PRIMA1: variants seen among roughly 807,000 people sequenced by gnomAD.
PRIMA1 encodes proline-rich membrane anchor 1.
In PRIMA1, 7 loss-of-function variants were observed where a neutral mutation model predicts 17.5. The observed-to-expected ratio is 0.40, with a 90% CI of 0.23 to 0.75. The LOEUF (loss-of-function observed/expected upper bound fraction) is 0.75. Among genes scored for constraint, PRIMA1 ranks in the 30% least tolerant of loss-of-function variants. PRIMA1 has a pLI of 0.37. For missense variants in PRIMA1, 200 were observed against 201.8 expected (o/e 0.99, Z 0.05); for synonymous variants, 97 against 77.9 (o/e 1.25, Z -1.29).
chr14:93,733,680 A>T (rs1395416941), intron 4 of PRIMA1, among the ~76,000 whole-genome samples: 8 of 152,224 alleles, frequency 5.3e-5, no homozygotes, highest in African/African-American at 1.7e-4. Context: ...AGAAAAAAAA[A>T]AGAGTAGGGT....
chr14:93,763,934 T>C (rs1884810078), intron 3 of PRIMA1, among the ~76,000 whole-genome samples: 1 of 152,102 alleles, frequency 6.6e-6, no homozygotes, highest in South Asian at 2.1e-4. Flanking sequence ...TGCTGTCTCA[T>C]GGCACCTCCA....
intron 4 of PRIMA1, among the ~76,000 whole-genome samples, chr14:93,731,394 T>C (rs892463350): frequency 6.7e-6 from 1 of 150,146 alleles, no homozygotes; most frequent in Non-Finnish European, 1.5e-5. Flanking sequence ...CTCTCAAGAA[T>C]GTGACTTGGG....
Position 93,726,476 on chromosome 14 carries a change from C to A in PRIMA1, c.360-4930G>T, listed in dbSNP as rs1159980731. On this transcript the variant is annotated intron_variant, in intron 4 of 4. Transcript: ENST00000393140. The surrounding 1 kb of genome is among the most constrained non-coding windows in gnomAD (Gnocchi z 4.2). ...CATCCCCCGACTGCCCACCCCGACA[C>A]CCTCCCACACCCATACACACACATG... is the stretch of plus-strand genomic sequence containing the variant. Among the ~76,000 whole-genome samples, 1 of 152,048 alleles carries A rather than the reference C, an allele frequency of 6.6e-6. No individual in the cohort carries two copies. The highest frequency in any genetic ancestry group is 1.5e-5 in the Non-Finnish European group (1 of 67,990).
In PRIMA1 at chr14:93,779,233, G is replaced by GGGGGGGGGGGGGGGGGGGGGGGA; in HGVS notation, c.171_172insTCCCCCCCCCCCCCCCCCCCCCC (p.Pro58SerfsTer45). The GGGGGGGGGGGGGGGGGGGGGGGA allele has an allele frequency of 2.7e-6, 3 of 1,094,116 alleles. No individual in the cohort carries two copies. Among genetic ancestry groups the GGGGGGGGGGGGGGGGGGGGGGGA allele is most frequent in the Non-Finnish European group, 2.6e-6 (2 of 775,666 alleles). The allele number at this position is 1,094,116 out of a possible 1,614,324, so 67.8% of individuals were successfully genotyped here. A position where few individuals can be genotyped will look rare whatever the true frequency, so the allele number is the denominator to read the frequency against. On this transcript the variant is annotated frameshift_variant, in exon 3 of 5. Coordinates refer to ENST00000393140, the MANE Select transcript of PRIMA1 (RefSeq NM_178013.4). LOFTEE classifies it high-confidence loss of function. ...GGTGGGGGCGGCGGGGGCAGCGGGG[G>GGGGGGGGGGGGGGGGGGGGGGGA]AGGGGGCCGGCACTGGCAGACGTGT...
intron 3 of PRIMA1, 52 bp downstream of exon 3, chr14:93,779,124 G>A (rs1048503515): frequency 1.7e-4 from 231 of 1,353,540 alleles, no homozygotes; most frequent in Non-Finnish European, 2.1e-4. Flanking sequence ...GATCTTCGTG[G>A]GCCTAGGAAA....
At chr14:93,747,005 T>C (rs1949703895) in intron 3 of PRIMA1, among the ~76,000 whole-genome samples, 1 of 152,138 alleles carries the variant, frequency 6.6e-6, no homozygotes, top group Non-Finnish European at 1.5e-5. Context: ...AGAAAGCAGC[T>C]GGGGCCGGAC....
chr14:93,725,254 T>G, intron 4 of PRIMA1, among the ~76,000 whole-genome samples: 1 of 150,358 alleles, frequency 6.7e-6, no homozygotes, highest in East Asian at 1.9e-4. Context: ...ACAGGAGCAT[T>G]CGGGAGCCCG....
At chr14:93,777,635 C>A (rs570081339) in intron 3 of PRIMA1, among the ~76,000 whole-genome samples, 2 of 152,336 alleles carry the variant, frequency 1.3e-5, no homozygotes, top group South Asian at 4.1e-4. Context: ...TGTGCCCGAC[C>A]AATCCCATTT....
chr14:93,721,410 G>T lies in PRIMA1; in HGVS notation c.*34C>A. The stretch of plus-strand genomic sequence containing the variant: ...CCATGTCCACCAGTGCCACCAAGGT[G>T]TCCCTCTGGCCAGCGGGTCCAGGGC... On this transcript the variant is annotated 3_prime_UTR_variant, in exon 5 of 5. Transcript: ENST00000393140. 1 of 1,411,808 alleles carries T rather than the reference G, an allele frequency of 7.1e-7. No homozygotes were observed. The highest frequency in any genetic ancestry group is 1.0e-6 in the Non-Finnish European group (1 of 997,988). 87.5% of individuals were successfully genotyped at this position (1,411,808 alleles called of 1,614,324 possible).
intron 3 of PRIMA1, among the ~76,000 whole-genome samples, chr14:93,768,618 A>G (rs1884962199): frequency 6.6e-6 from 1 of 152,200 alleles, no homozygotes; most frequent in South Asian, 2.1e-4. Flanking sequence ...AGAACTTGCC[A>G]TGGCACAACC....
intron 3 of PRIMA1, among the ~76,000 whole-genome samples, chr14:93,740,501 C>T (rs1401267975): frequency 6.6e-6 from 1 of 152,236 alleles, no homozygotes; most frequent in Non-Finnish European, 1.5e-5. Flanking sequence ...AGGTCTACCT[C>T]CTCATTTTCA....
At chr14:93,771,294 A>C (rs1885060433) in intron 3 of PRIMA1, among the ~76,000 whole-genome samples, 1 of 152,184 alleles carries the variant, frequency 6.6e-6, no homozygotes, top group African/African-American at 2.4e-5. Flanking sequence ...TGATTCTAAA[A>C]AACAGAATGC....
At chr14:93,759,961 C>T (rs939041313) in intron 3 of PRIMA1, among the ~76,000 whole-genome samples, 2 of 152,228 alleles carry the variant, frequency 1.3e-5, no homozygotes, top group South Asian at 2.1e-4. Context: ...CTCCAGGGGC[C>T]GAAGGGCAGC....
intron 3 of PRIMA1, among the ~76,000 whole-genome samples, chr14:93,771,284 T>C (rs949652680): frequency 1.3e-5 from 2 of 152,130 alleles, no homozygotes; most frequent in East Asian, 1.9e-4. Context: ...CCTGGTCCCT[T>C]GATTCTAAAA....
intron 3 of PRIMA1, among the ~76,000 whole-genome samples, chr14:93,743,183 C>T (rs901129340): frequency 6.6e-6 from 1 of 152,256 alleles, no homozygotes; most frequent in African/African-American, 2.4e-5. Flanking sequence ...TCTCTTGACC[C>T]TGTGAGTGGC....
rs2076023428 is a variant in PRIMA1, at chr14:93,719,471, A to T, written c.*1973T>A. On this transcript the variant is annotated 3_prime_UTR_variant, in exon 5 of 5. Coordinates refer to ENST00000393140, the MANE Select transcript of PRIMA1 (RefSeq NM_178013.4). The stretch of plus-strand genomic sequence containing the variant: ...CCTCTGATCACTCCTGAGCTTCTGG[A>T]CAGCCCAAGGCATGGGCACTTTCTC... The T allele has an allele frequency of 6.6e-6, 1 of 152,464 alleles. No individual in the cohort carries two copies. The highest frequency in any genetic ancestry group is 1.9e-4 in the East Asian group (1 of 5,178). The allele number at this position is 152,464 out of a possible 1,614,324, so 9.4% of individuals were successfully genotyped here.
At chr14:93,756,083 T>A (rs907989158) in intron 3 of PRIMA1, among the ~76,000 whole-genome samples, 27 of 152,016 alleles carry the variant, frequency 1.8e-4, no homozygotes, top group African/African-American at 4.6e-4. Context: ...AAATCTGGAT[T>A]TTTTTTTAAG....
Position 93,761,102 on chromosome 14 carries a change from T to C in PRIMA1, c.229+18074A>G, listed in dbSNP as rs955924815. ...GGCTCAAGCCTATAATCCCAGAACT[T>C]TGGGAGGCCAAGGCGGGTGGATCAC... On this transcript the variant is annotated intron_variant, in intron 3 of 4. Coordinates refer to ENST00000393140, the MANE Select transcript of PRIMA1 (RefSeq NM_178013.4). Among the ~76,000 whole-genome samples, 3 of 151,840 alleles carry C rather than the reference T, an allele frequency of 2.0e-5. No homozygotes were observed. In the South Asian group the frequency reaches 6.3e-4, roughly 32 times the overall value.
At position 93,728,382 on chromosome 14, in the gene PRIMA1, G is replaced by C. The variant is rs557221474; in HGVS notation, c.360-6836C>G. Among the ~76,000 whole-genome samples, 134 of 152,330 alleles carry C rather than the reference G, an allele frequency of 8.8e-4. 3 individuals are homozygous for C. The highest frequency in any genetic ancestry group is 2.7e-3 in the Admixed American group (42 of 15,300). ...GGCTGACAGGTCAGCGAGGTCCAGG[G>C]GATGAGAAGGACCCTGCCATGCAAG... On this transcript the variant is annotated intron_variant, in intron 4 of 4. Transcript: ENST00000393140.
Sources: gnomAD v4.1 joint callset for allele counts (sites outside exome capture counted in the v4.1 genomes callset) on GRCh38, gnomAD v4.1.1 for gene constraint, Gnocchi (gnomAD v3.1) non-coding constraint, MANE v1.5 for transcripts, NCBI Gene and HGNC (gene_info 2026-07-23, HGNC 2026-07-21) for gene names.